The following USP9X variants were observed in gnomAD, a reference collection of about 807,000 sequenced individuals.
USP9X encodes the protein ubiquitin carboxyl-terminal hydrolase 9X.
USP9X carries 7 observed loss-of-function variants against 190.3 expected under a neutral mutation model. That is an observed-to-expected ratio of 0.04 (90% CI 0.02 to 0.07). The LOEUF is 0.07. Ranked by LOEUF, USP9X falls within the 10% of genes least tolerant of loss-of-function variation. USP9X has a pLI of 1.00. For synonymous variants in USP9X, 645 were observed against 659.5 expected (o/e 0.98, Z 0.34); for missense variants, 1,010 against 1,916.9 (o/e 0.53, Z 8.83).
At chrX:41,125,749 G>C (rs1390945360) in intron 2 of USP9X, among the ~76,000 whole-genome samples, 19 of 96,762 alleles carry the variant, frequency 2.0e-4, no homozygotes, top group Admixed American at 1.8e-3. Context: ...CTCTCTCTCT[G>C]TTCCTTTTGC....
chrX:41,157,945 A>T (rs2147093564), intron 14 of USP9X, among the ~76,000 whole-genome samples: 1 of 112,300 alleles, frequency 8.9e-6, no homozygotes, highest in African/African-American at 3.2e-5. Flanking sequence ...ATTATTTTTT[A>T]TTTAAAAAAT....
At chrX:41,231,301 T>C (rs752905221) in intron 44 of USP9X, among the ~76,000 whole-genome samples, 1 of 111,807 alleles carries the variant, frequency 8.9e-6, no homozygotes, top group South Asian at 3.7e-4. Flanking sequence ...AGTTCCCAAG[T>C]GATGCTGCTG....
At chrX:41,211,233 G>A (rs189032279) in intron 33 of USP9X, among the ~76,000 whole-genome samples, 21 of 112,061 alleles carry the variant, frequency 1.9e-4, no homozygotes, top group Admixed American at 2.8e-4. Flanking sequence ...AAAATCAGTC[G>A]TCACACCTCA....
intron 21 of USP9X, among the ~76,000 whole-genome samples, chrX:41,175,772 T>TACACACAC (rs769385399): frequency 5.4e-5 from 6 of 110,115 alleles, no homozygotes; most frequent in South Asian, 3.8e-4. Context: ...ACTATATATA[T>TACACACAC]ACACACACAC....
intron 41 of USP9X, among the ~76,000 whole-genome samples, chrX:41,228,450 T>C (rs780253429): frequency 1.8e-5 from 2 of 111,789 alleles, no homozygotes; most frequent in South Asian, 7.5e-4. Context: ...ATCAGCCAAA[T>C]TGTACTATTG....
intron 6 of USP9X, among the ~76,000 whole-genome samples, chrX:41,138,163 T>C (rs1259407301): frequency 8.9e-6 from 1 of 111,790 alleles, no homozygotes; most frequent in African/African-American, 3.2e-5. Context: ...TCACATTTAC[T>C]TGCTATTGAA....
chrX:41,134,101 C>T (rs754258733), intron 4 of USP9X, among the ~76,000 whole-genome samples: 4 of 111,622 alleles, frequency 3.6e-5, no homozygotes, highest in African/African-American at 1.3e-4. Flanking sequence ...TCTGAGACCA[C>T]GGTTATTTTC....
At chrX:41,217,191 G>A (rs1220194805) in intron 35 of USP9X, 29 bp from the exon 36 acceptor site, 2 of 1,162,664 alleles carry the variant, frequency 1.7e-6, no homozygotes, top group African/African-American at 1.8e-5. Flanking sequence ...AAATAAAAAT[G>A]TGTTTTTATA....
chrX:41,216,774 G>A (rs750067571), intron 35 of USP9X, 122 bp downstream of exon 35: 39 of 837,289 alleles, frequency 4.7e-5, no homozygotes, highest in African/African-American at 3.5e-4. Context: ...TGGGTGTGGT[G>A]GTTCACGCCT....
intron 1 of USP9X, among the ~76,000 whole-genome samples, chrX:41,115,162 A>G (rs2062137789): frequency 9.5e-6 from 1 of 104,771 alleles, no homozygotes; most frequent in South Asian, 4.4e-4. Context: ...CAGAGGTTGC[A>G]GTGAGCCGAG....
At chrX:41,089,267 G>T (rs899838273) in intron 1 of USP9X, among the ~76,000 whole-genome samples, 7 of 112,162 alleles carry the variant, frequency 6.2e-5, no homozygotes, top group Non-Finnish European at 1.3e-4. Flanking sequence ...ATGGGTCTGA[G>T]GTCTGTCAGG....
intron 39 of USP9X, among the ~76,000 whole-genome samples, chrX:41,224,068 G>A (rs1225169814): frequency 9.1e-6 from 1 of 109,685 alleles, no homozygotes; most frequent in African/African-American, 3.3e-5. Context: ...TTGGCTGGGT[G>A]TGGTGGTGTG....
chrX:41,185,235 C>A (rs1040621303), intron 23 of USP9X, among the ~76,000 whole-genome samples: 1 of 112,143 alleles, frequency 8.9e-6, no homozygotes, highest in Admixed American at 9.5e-5. Context: ...GGTAAAACTT[C>A]AGGGATAAAG....
chrX:41,134,516 C>T (rs780935262), intron 4 of USP9X, among the ~76,000 whole-genome samples: 3 of 112,487 alleles, frequency 2.7e-5, no homozygotes, highest in Non-Finnish European at 5.6e-5. Flanking sequence ...TGCTGCTGAT[C>T]ACCATTTTGT....
chrX:41,167,889 A>T, intron 17 of USP9X, 118 bp from the exon 18 acceptor site: 1 of 531,185 alleles, frequency 1.9e-6, no homozygotes, highest in Non-Finnish European at 3.0e-6. Flanking sequence ...CTTAAATATG[A>T]CTGTTGTTAA....
chrX:41,110,835 T>C (rs1359739643), intron 1 of USP9X, among the ~76,000 whole-genome samples: 1 of 111,297 alleles, frequency 9.0e-6, no homozygotes, highest in Non-Finnish European at 1.9e-5. Context: ...CATTCAAGGT[T>C]TTAGAGATTG....
chrX:41,169,175 A>G (rs762513199), intron 18 of USP9X, among the ~76,000 whole-genome samples: 18 of 109,200 alleles, frequency 1.6e-4, no homozygotes, highest in Admixed American at 2.0e-4. Context: ...AGGTCTACCT[A>G]TGTTGTCGAG....
rs188455264 is a variant in USP9X at position 41,235,702 on chromosome X, T to G, written c.*3178T>G. The G allele has an allele frequency of 9.3e-6, 1 of 107,605 alleles. No homozygotes were observed. Among genetic ancestry groups the G allele is most frequent in the African/African-American group, 3.5e-5 (1 of 28,370 alleles). 8.9% of individuals were successfully genotyped at this position (107,605 alleles called of 1,213,427 possible). On this transcript the variant is annotated 3_prime_UTR_variant, in exon 45 of 45. Transcript: ENST00000378308. ...GTAGAGGCAGAAATAACATACTAGG[T>G]TTTTTTTTTCTTTCATTGATTTTTC...
intron 1 of USP9X, among the ~76,000 whole-genome samples, chrX:41,088,151 T>A (rs2061927210): frequency 9.0e-6 from 1 of 111,663 alleles, no homozygotes; most frequent in African/African-American, 3.3e-5. Flanking sequence ...GCCCGGCTAA[T>A]TTTTTGTATT....
Sources: gnomAD v4.1 joint callset for allele counts (sites outside exome capture counted in the v4.1 genomes callset) on GRCh38, gnomAD v4.1.1 for gene constraint, MANE v1.5 for transcripts, NCBI Gene and HGNC (gene_info 2026-07-23, HGNC 2026-07-21) for gene names.